DENND1A: variants seen among roughly 807,000 people sequenced by gnomAD.
The protein encoded by DENND1A is DENN domain-containing protein 1A.
A neutral mutation model predicts 113.7 loss-of-function variants in DENND1A; 51 were observed. The observed-to-expected ratio is 0.45, with a 90% CI of 0.36 to 0.57. The LOEUF is 0.57. Among genes scored for constraint, DENND1A ranks in the 20% least tolerant of loss-of-function variants. The pLI, the probability that DENND1A is intolerant of heterozygous loss-of-function variation, is 0.00. For synonymous variants in DENND1A, 565 were observed against 570.8 expected (o/e 0.99, Z 0.14); for missense variants, 1,258 against 1,395.9 (o/e 0.90, Z 1.57).
Position 123,609,446 on chromosome 9 carries a change from C to T in DENND1A, c.755G>A (p.Ser252Asn). The T allele has an allele frequency of 6.2e-7, 1 of 1,613,736 alleles. No homozygotes were observed. The highest frequency in any genetic ancestry group is 8.5e-7 in the Non-Finnish European group (1 of 1,179,844). Reference sequence around the variant, plus strand: ...AAGAAGCCAACTTACCTCCATTAAACTTAAATGGATTCCTATGAGGTAGGG... The same window carrying T: ...AAGAAGCCAACTTACCTCCATTAAATTTAAATGGATTCCTATGAGGTAGGG... ...PMPYLIGIHL[S>N]LMEKVRNMAL... Residue 252 changes from serine (S) to asparagine (N), a missense_variant, in exon 11 of 24, where the codon AGT becomes AAT. By Grantham distance (46) the Ser-to-Asn change is conservative. Transcript: ENST00000394215.
intron 18 of DENND1A, among the ~76,000 whole-genome samples, chr9:123,450,248 C>G (rs890407564): frequency 2.0e-5 from 3 of 152,198 alleles, no homozygotes; most frequent in Admixed American, 2.0e-4. Flanking sequence ...GCCCCACCCC[C>G]TATGCTGTGT....
At chr9:123,838,356 A>G (rs1841342162) in intron 2 of DENND1A, among the ~76,000 whole-genome samples, 1 of 152,206 alleles carries the variant, frequency 6.6e-6, no homozygotes, top group Non-Finnish European at 1.5e-5. Flanking sequence ...GTGTATGTGT[A>G]TATGTGCGTG....
chr9:123,510,219 C>T (rs6478620), intron 13 of DENND1A, among the ~76,000 whole-genome samples: 7,999 of 152,342 alleles, frequency 0.053, 671 homozygotes, highest in African/African-American at 0.18. Flanking sequence ...GAGATGACCT[C>T]TTATTGATCC....
At chr9:123,713,405 T>C (rs2066760646) in intron 5 of DENND1A, among the ~76,000 whole-genome samples, 6 of 152,208 alleles carry the variant, frequency 3.9e-5, no homozygotes, top group Admixed American at 3.9e-4. Context: ...AAGGAGTAAC[T>C]GTGGATGTGG....
chr9:123,549,672 G>A (rs1202108915), intron 13 of DENND1A, among the ~76,000 whole-genome samples: 1 of 152,074 alleles, frequency 6.6e-6, no homozygotes, highest in East Asian at 1.9e-4. Context: ...CAACAAGGGA[G>A]GGTGGTTATG....
At chr9:123,493,851 C>T (rs1165173155) in intron 13 of DENND1A, among the ~76,000 whole-genome samples, 1 of 151,960 alleles carries the variant, frequency 6.6e-6, no homozygotes, top group African/African-American at 2.4e-5. Flanking sequence ...CCGCCCCCTC[C>T]ATTGCTTCAC....
chr9:123,529,006 C>T (rs917420678), intron 13 of DENND1A, among the ~76,000 whole-genome samples: 4 of 152,204 alleles, frequency 2.6e-5, no homozygotes, highest in African/African-American at 9.7e-5. Flanking sequence ...CGTTGTGTCA[C>T]TCTCTTATTT....
intron 21 of DENND1A, among the ~76,000 whole-genome samples, chr9:123,389,923 G>A (rs935896803): frequency 2.6e-5 from 4 of 152,192 alleles, no homozygotes; most frequent in Non-Finnish European, 4.4e-5. Flanking sequence ...GCTGTGTGTT[G>A]GCTCTACCTA....
intron 1 of DENND1A, among the ~76,000 whole-genome samples, chr9:123,918,345 G>T (rs1172896014): frequency 1.3e-5 from 2 of 151,650 alleles, no homozygotes; most frequent in Non-Finnish European, 2.9e-5. Flanking sequence ...AAAATTAGCC[G>T]GGCGTGGCGG....
intron 19 of DENND1A, among the ~76,000 whole-genome samples, chr9:123,430,571 A>G (rs970305194): frequency 3.3e-5 from 5 of 152,222 alleles, no homozygotes; most frequent in African/African-American, 1.2e-4. Context: ...CTAGTGCAGG[A>G]ATACAAAACC....
At chr9:123,734,995 G>C (rs12347944) in intron 5 of DENND1A, among the ~76,000 whole-genome samples, 5 of 152,154 alleles carry the variant, frequency 3.3e-5, no homozygotes, top group African/African-American at 7.2e-5. Context: ...TCATTACGTA[G>C]ATGGAGAAGG....
At position 123,385,423 on chromosome 9, in the gene DENND1A, A is replaced by G. The variant is rs183353597; in HGVS notation, c.1761-1510T>C. ...CGTGATCTGCCCGCCTCAGCCTCCC[A>G]AAGTGCTGAGATTACAGGTGTGAGC... On this transcript the variant is annotated intron_variant, in intron 22 of 23. Transcript: ENST00000394215. 1.7e-3 allele frequency among the ~76,000 whole-genome samples: 259 copies of G among 152,292 alleles called. 2 individuals are homozygous for G. The highest frequency in any genetic ancestry group is 3.4e-3 in the Middle Eastern group (1 of 294).
chr9:123,694,822 A>T (rs1421442208), intron 5 of DENND1A, among the ~76,000 whole-genome samples: 1 of 152,184 alleles, frequency 6.6e-6, no homozygotes, highest in Non-Finnish European at 1.5e-5. Context: ...TTGGCTTACC[A>T]GTTGTGATGG....
At position 123,678,431 on chromosome 9, in the gene DENND1A, G is replaced by A. The variant is rs139640637; in HGVS notation, c.303-1642C>T. ...TCCAAAGCTACATCTAACAGCAAGC[G>A]AGAAGAAGGTTGTACCAAGCGCTTG... On this transcript the variant is annotated intron_variant, in intron 5 of 23. Coordinates refer to ENST00000394215, the MANE Select transcript of DENND1A (RefSeq NM_001352964.2). Among the ~76,000 whole-genome samples the A allele has an allele frequency of 7.1e-3, 1,076 of 152,300 alleles. 12 individuals carry two copies. Among genetic ancestry groups the A allele is most frequent in the African/African-American group, 0.025 (1,039 of 41,544 alleles).
At position 123,520,147 on chromosome 9, in the gene DENND1A, C is replaced by CCAAAAA. The variant is rs1554853704; in HGVS notation, c.993+37422_993+37423insTTTTTG. On this transcript the variant is annotated intron_variant, in intron 13 of 23. Coordinates refer to ENST00000394215, the MANE Select transcript of DENND1A (RefSeq NM_001352964.2). ...TGGGAAACAGAGCAAGATCCTGTCT[C>CCAAAAA]AAAAAAAAAAAAAAAAAAAAAAAAA... 4.8e-4 allele frequency among the ~76,000 whole-genome samples: 18 copies of CCAAAAA among 37,318 alleles called. 3 individuals carry two copies. Among genetic ancestry groups the CCAAAAA allele is most frequent in the African/African-American group, 1.1e-3 (14 of 12,810 alleles). The allele number at this position is 37,318 out of a possible 152,430, so 24.5% of individuals were successfully genotyped here.
intron 13 of DENND1A, among the ~76,000 whole-genome samples, chr9:123,545,579 G>A (rs995561495): frequency 5.3e-5 from 8 of 151,918 alleles, no homozygotes; most frequent in African/African-American, 1.2e-4. Context: ...CCATTCTCCT[G>A]CCTCAGCCTC....
At chr9:123,479,647 T>TGGCCCCAA (rs1328431018) in intron 13 of DENND1A, among the ~76,000 whole-genome samples, 1 of 152,228 alleles carries the variant, frequency 6.6e-6, no homozygotes, top group African/African-American at 2.4e-5. Flanking sequence ...GAAAGAGAAG[T>TGGCCCCAA]GGCCCCAAGA....
At chr9:123,576,875 ATTAC>A (rs909893834) in intron 12 of DENND1A, among the ~76,000 whole-genome samples, 10 of 152,186 alleles carry the variant, frequency 6.6e-5, no homozygotes, top group African/African-American at 2.4e-4. Context: ...GTCTGCTAGA[ATTAC>A]TTCTCATACC....
intron 11 of DENND1A, among the ~76,000 whole-genome samples, chr9:123,606,329 A>T (rs1162400947): frequency 6.6e-6 from 1 of 151,928 alleles, no homozygotes; most frequent in African/African-American, 2.4e-5. Context: ...TTTTGTGCTG[A>T]CTACACAGGA....
Sources: allele counts gnomAD v4.1 joint callset (sites outside exome capture counted in the v4.1 genomes callset), GRCh38; gene constraint gnomAD v4.1.1; transcripts MANE v1.5; gene names NCBI Gene and HGNC (gene_info 2026-07-23, HGNC 2026-07-21).